The following NDE1 variants were observed in gnomAD, a reference collection of about 807,000 sequenced individuals.
NDE1 encodes nuclear distribution protein nudE homolog 1.
In NDE1, 28 loss-of-function variants were observed where a neutral mutation model predicts 43.4. The ratio of observed to expected loss-of-function variants is 0.65; its 90% CI spans 0.48 to 0.89. The LOEUF (loss-of-function observed/expected upper bound fraction) is 0.89. Ranked by LOEUF, NDE1 falls within the 40% of genes least tolerant of loss-of-function variation. The pLI, the probability that NDE1 is intolerant of heterozygous loss-of-function variation, is 0.00. For missense variants in NDE1, 441 were observed against 434.1 expected (o/e 1.02, Z -0.14); for synonymous variants, 184 against 172.0 (o/e 1.07, Z -0.55).
intron 1 of NDE1, among the ~76,000 whole-genome samples, chr16:15,654,967 G>A (rs141162346): frequency 6.6e-6 from 1 of 151,864 alleles, no homozygotes; most frequent in South Asian, 2.1e-4. Flanking sequence ...CATGTTGCCT[G>A]CTTTCTGCCA....
intron 4 of NDE1, among the ~76,000 whole-genome samples, chr16:15,678,814 C>T (rs530869005): frequency 6.6e-6 from 1 of 152,182 alleles, no homozygotes; most frequent in East Asian, 1.9e-4. Flanking sequence ...CGGTGGCTCA[C>T]GCCTGTAATC....
chr16:15,693,388 C>T (rs1055213803), intron 6 of NDE1, among the ~76,000 whole-genome samples: 2 of 152,106 alleles, frequency 1.3e-5, no homozygotes, highest in Admixed American at 1.3e-4. Flanking sequence ...CAGAGCGGGA[C>T]CCTTGTAAAG....
At chr16:15,699,501 A>C in intron 8 of NDE1, 58 of 1,123,414 alleles carry the variant, frequency 5.2e-5, no homozygotes, top group Non-Finnish European at 5.9e-5. Context: ...ACAATAGGTA[A>C]GAGATGGATT....
At position 15,719,449 on chromosome 16, in the gene NDE1, G is replaced by A. The variant is rs2040349235; in HGVS notation, c.948-4742G>A. ...GAGGCCCCGTGAATACATAGAGGAGGGAAGCGTGTGTCTTTCTAGACAGGT... is the reference window on the plus strand; with the variant it reads ...GAGGCCCCGTGAATACATAGAGGAGAGAAGCGTGTGTCTTTCTAGACAGGT... On this transcript the variant is annotated intron_variant, in intron 8 of 8. Transcript: ENST00000396354. 29 of 1,488,100 alleles carry A rather than the reference G, an allele frequency of 1.9e-5. No homozygotes were observed. In the South Asian group the frequency reaches 3.2e-4, roughly 16 times the overall value. 92.2% of individuals were successfully genotyped at this position (1,488,100 alleles called of 1,614,324 possible). A position where few individuals can be genotyped will look rare whatever the true frequency, so the allele number is the denominator to read the frequency against.
chr16:15,694,023 A>C, intron 6 of NDE1, 142 bp from the exon 7 acceptor site: 1 of 989,052 alleles, frequency 1.0e-6, no homozygotes, highest in East Asian at 2.6e-5. Context: ...GCGGTTAACT[A>C]CGGAAAGAAA....
chr16:15,647,286 G>C (rs1424933264), upstream of NDE1, among the ~76,000 whole-genome samples: 1 of 152,200 alleles, frequency 6.6e-6, no homozygotes, highest in Admixed American at 6.5e-5. Flanking sequence ...GCAAGATGGG[G>C]TGGGAGATCC....
rs147174812 is a variant in NDE1 at position 15,677,958 on chromosome 16, G to A, written c.386+9G>A. ...CTGGAAAGAGCCAAGCGGTATGGGT[G>A]GAAGGGAAAAGCACGAGTGGGAGAC... is the stretch of plus-strand genomic sequence containing the variant. On this transcript the variant is annotated intron_variant, in intron 4 of 8. Coordinates refer to ENST00000396354, the MANE Select transcript of NDE1 (RefSeq NM_017668.3). The A allele has an allele frequency of 4.9e-4, 792 of 1,614,032 alleles. No homozygotes were observed. The highest frequency in any genetic ancestry group is 1.0e-3 in the Middle Eastern group (6 of 6,026).
intron 4 of NDE1, among the ~76,000 whole-genome samples, chr16:15,680,666 A>G (rs992818218): frequency 3.3e-5 from 5 of 152,008 alleles, no homozygotes; most frequent in Non-Finnish European, 5.9e-5. Context: ...CAGCCTCCCA[A>G]GTAGCTGGGA....
At chr16:15,690,830 G>T (rs772457853) in intron 5 of NDE1, among the ~76,000 whole-genome samples, 5 of 151,954 alleles carry the variant, frequency 3.3e-5, no homozygotes, top group Non-Finnish European at 5.9e-5. Flanking sequence ...TTTTTGAGAC[G>T]TAGTCTTGCT....
At chr16:15,686,244 G>C (rs2038433072) in intron 4 of NDE1, 1 of 461,406 alleles carries the variant, frequency 2.2e-6, no homozygotes. Context: ...GAGCCACCGT[G>C]TCCGGGCCTG....
At chr16:15,719,332 T>C (rs1411897397) in intron 8 of NDE1, 1 of 1,606,942 alleles carries the variant, frequency 6.2e-7, no homozygotes, top group Non-Finnish European at 8.5e-7. Flanking sequence ...AGGAAGGCTG[T>C]TGTCTGCCAG....
At chr16:15,673,261 G>A (rs1869833871) in intron 3 of NDE1, among the ~76,000 whole-genome samples, 1 of 152,056 alleles carries the variant, frequency 6.6e-6, no homozygotes, top group Admixed American at 6.6e-5. Context: ...CCAAGCTGGA[G>A]TGCAGGGGCA....
chr16:15,686,603 A>G (rs1380310238), intron 4 of NDE1: 37 of 952,538 alleles, frequency 3.9e-5, no homozygotes, highest in Non-Finnish European at 4.6e-5. Context: ...TCTTGAGCCC[A>G]AGAGTTTGAG....
At chr16:15,667,210 C>G in intron 2 of NDE1, 76 bp from the exon 3 acceptor site, 1 of 1,522,786 alleles carries the variant, frequency 6.6e-7, no homozygotes, top group Non-Finnish European at 9.1e-7. Flanking sequence ...TGCAGCACTG[C>G]ATTGCAGCCT....
At chr16:15,713,597 C>A (rs114154796) in intron 8 of NDE1, 4,090 of 152,102 alleles carry the variant, frequency 0.027, 181 homozygotes, top group African/African-American at 0.094. Context: ...TGGGGCTCCA[C>A]TGATCGTCCC....
intron 3 of NDE1, among the ~76,000 whole-genome samples, chr16:15,670,572 A>G (rs534030823): frequency 9.3e-5 from 14 of 151,196 alleles, no homozygotes; most frequent in Non-Finnish European, 1.8e-4. Flanking sequence ...CAGGAGAATC[A>G]CTTGAACCCG....
At chr16:15,703,723 G>A (rs1159002197) in intron 8 of NDE1, 1 of 479,432 alleles carries the variant, frequency 2.1e-6, no homozygotes, top group South Asian at 2.1e-5. Context: ...CTAGTAGCTG[G>A]GACCACAGGT....
intron 8 of NDE1, chr16:15,708,983 C>A: frequency 1.1e-6 from 1 of 930,854 alleles, no homozygotes; most frequent in South Asian, 1.5e-5. Flanking sequence ...GTCTCTGTCA[C>A]CCAGGCTGGA....
intron 8 of NDE1, chr16:15,721,373 G>A (rs774775521): frequency 6.3e-7 from 1 of 1,581,620 alleles, no homozygotes; most frequent in African/African-American, 1.3e-5. Context: ...ATAGCACAGA[G>A]GGTGGGCAGG....
Sources: gnomAD v4.1 joint callset for allele counts (sites outside exome capture counted in the v4.1 genomes callset) on GRCh38, gnomAD v4.1.1 for gene constraint, MANE v1.5 for transcripts, NCBI Gene and HGNC (gene_info 2026-07-23, HGNC 2026-07-21) for gene names.